SLC44A3: variants seen among roughly 807,000 people sequenced by gnomAD.
The protein encoded by SLC44A3 is choline transporter-like protein 3.
Under a neutral mutation model 75.4 loss-of-function variants are expected in SLC44A3, and 74 were observed. The ratio of observed to expected loss-of-function variants is 0.98; its 90% CI spans 0.81 to 1.19. SLC44A3 has a LOEUF of 1.19. Ranked by LOEUF, SLC44A3 falls within the 50% of genes most tolerant of loss-of-function variation. The pLI is 0.00. For missense variants in SLC44A3, 700 were observed against 778.6 expected (o/e 0.90, Z 1.20); for synonymous variants, 310 against 296.9 (o/e 1.04, Z -0.45).
intron 2 of SLC44A3, among the ~76,000 whole-genome samples, chr1:94,823,477 T>A (rs1030408766): frequency 1.3e-5 from 2 of 152,218 alleles, no homozygotes; most frequent in African/African-American, 4.8e-5. Context: ...CCGTAAGTCC[T>A]GCTTGCCTTC....
In SLC44A3 at chr1:94,853,862, A is replaced by ATTT. The variant is rs34191139; in HGVS notation, c.1073-3461_1073-3459dup. ...TAACTCAGATGGTATCCTCTCTCTG[A>ATTT]TTTTTTTTTTTTTTGCCTCATTTAT... On this transcript the variant is annotated intron_variant, in intron 9 of 14. Coordinates refer to ENST00000271227, the MANE Select transcript of SLC44A3 (RefSeq NM_001114106.3). 6.8e-3 allele frequency among the ~76,000 whole-genome samples: 996 copies of ATTT among 145,672 alleles called. 5 individuals are homozygous for ATTT. Among genetic ancestry groups the ATTT allele is most frequent in the Non-Finnish European group, 7.7e-3 (511 of 66,528 alleles).
chr1:94,851,487 A>G (rs2101165253), intron 9 of SLC44A3, among the ~76,000 whole-genome samples: 1 of 152,308 alleles, frequency 6.6e-6, no homozygotes, highest in Non-Finnish European at 1.5e-5. Flanking sequence ...ATCCCACAAG[A>G]GGAAGAACAC....
At chr1:94,878,332 C>G (rs1028009991) in intron 12 of SLC44A3, among the ~76,000 whole-genome samples, 1 of 152,110 alleles carries the variant, frequency 6.6e-6, no homozygotes, top group Non-Finnish European at 1.5e-5. Context: ...GTGCCCTGTC[C>G]CCAGTCCCCA....
chr1:94,820,397 G>C lies in SLC44A3; in HGVS notation c.-55G>C. The C allele has an allele frequency of 1.4e-6, 2 of 1,427,780 alleles. No individual in the cohort carries two copies. The highest frequency in any genetic ancestry group is 1.8e-6 in the Non-Finnish European group (2 of 1,092,720). 88.4% of individuals were successfully genotyped at this position (1,427,780 alleles called of 1,614,324 possible). On this transcript the variant is annotated 5_prime_UTR_variant, in exon 1 of 15. Transcript: ENST00000271227. ...CCCGGCTCGCGGGCGCTGCGTCTCC[G>C]CGTACAGGAGGCGGCGGCGGCTCCC...
rs145117107 is a variant in SLC44A3 at position 94,847,548 on chromosome 1, G to T, written c.1072+2084G>T. ...ATAACCAAGAAAAGAGGGGAGAATAGATATCGTGAGACAGGTGAAGTCTCA... is the reference window on the plus strand; with the variant it reads ...ATAACCAAGAAAAGAGGGGAGAATATATATCGTGAGACAGGTGAAGTCTCA... On this transcript the variant is annotated intron_variant, in intron 9 of 14. Coordinates refer to ENST00000271227, the MANE Select transcript of SLC44A3 (RefSeq NM_001114106.3). Among the ~76,000 whole-genome samples, 409 of 152,344 alleles carry T rather than the reference G, an allele frequency of 2.7e-3. 2 individuals carry two copies. The highest frequency in any genetic ancestry group is 8.3e-3 in the African/African-American group (345 of 41,574).
intron 11 of SLC44A3, among the ~76,000 whole-genome samples, chr1:94,865,485 C>G (rs912803177): frequency 1.3e-5 from 2 of 152,110 alleles, no homozygotes; most frequent in East Asian, 1.9e-4. Flanking sequence ...GCAAGCTGAC[C>G]TACATCTCAG....
chr1:94,841,217 C>T (rs1414677223), intron 7 of SLC44A3, among the ~76,000 whole-genome samples: 1 of 152,196 alleles, frequency 6.6e-6, no homozygotes, highest in Non-Finnish European at 1.5e-5. Flanking sequence ...CAGAAAAGTA[C>T]AGTATTATTA....
At chr1:94,835,980 T>C (rs1030083162) in intron 5 of SLC44A3, among the ~76,000 whole-genome samples, 1 of 152,234 alleles carries the variant, frequency 6.6e-6, no homozygotes, top group Non-Finnish European at 1.5e-5. Context: ...GTGTTACTCT[T>C]CTCTTGAACC....
intron 7 of SLC44A3, among the ~76,000 whole-genome samples, chr1:94,840,306 T>G (rs1251062298): frequency 1.4e-5 from 2 of 147,694 alleles, no homozygotes; most frequent in Non-Finnish European, 3.0e-5. Flanking sequence ...TTTTTTTTTT[T>G]TGAGGCAGGC....
At chr1:94,848,664 G>A (rs539623380) in intron 9 of SLC44A3, among the ~76,000 whole-genome samples, 46 of 152,238 alleles carry the variant, frequency 3.0e-4, no homozygotes, top group African/African-American at 7.5e-4. Flanking sequence ...GGGATGAGGC[G>A]CTGAGCACGG....
intron 8 of SLC44A3, among the ~76,000 whole-genome samples, chr1:94,842,644 G>C (rs79380410): frequency 0.02 from 3,061 of 152,354 alleles, 51 homozygotes; most frequent in Non-Finnish European, 0.033. Flanking sequence ...AGTTACTGGT[G>C]GTGGGTGGTT....
At chr1:94,830,099 G>A (rs2100968127) in intron 5 of SLC44A3, among the ~76,000 whole-genome samples, 1 of 152,322 alleles carries the variant, frequency 6.6e-6, no homozygotes, top group African/African-American at 2.4e-5. Flanking sequence ...AATCACATCG[G>A]AGGCAGAAAA....
At chr1:94,835,351 A>G (rs1307322514) in intron 5 of SLC44A3, among the ~76,000 whole-genome samples, 3 of 152,230 alleles carry the variant, frequency 2.0e-5, no homozygotes, top group African/African-American at 7.2e-5. Context: ...GCTATCCTGA[A>G]TTAGATCCTG....
At chr1:94,885,224 CAAAAA>C (rs60440950) in intron 12 of SLC44A3, among the ~76,000 whole-genome samples, 60 of 82,852 alleles carry the variant, frequency 7.2e-4, no homozygotes, top group African/African-American at 2.7e-3. Flanking sequence ...GACTCCCTCT[CAAAAA>C]AAAAAAAAAA....
At chr1:94,861,497 C>A (rs1666566983) in intron 10 of SLC44A3, among the ~76,000 whole-genome samples, 1 of 152,142 alleles carries the variant, frequency 6.6e-6, no homozygotes, top group Non-Finnish European at 1.5e-5. Flanking sequence ...TTGTAAGACA[C>A]TTTACATATT....
intron 9 of SLC44A3, among the ~76,000 whole-genome samples, chr1:94,856,723 CTCTTCT>C (rs961771036): frequency 6.6e-6 from 1 of 151,836 alleles, no homozygotes; most frequent in African/African-American, 2.4e-5. Context: ...AGTTACTTGC[CTCTTCT>C]TCTTCTTCTT....
intron 11 of SLC44A3, among the ~76,000 whole-genome samples, chr1:94,866,723 G>A (rs1456031688): frequency 6.6e-6 from 1 of 152,062 alleles, no homozygotes; most frequent in Non-Finnish European, 1.5e-5. Flanking sequence ...CTGGAGAGTG[G>A]GTAGGATGCC....
chr1:94,890,267 C>T (rs1027746312), intron 12 of SLC44A3, among the ~76,000 whole-genome samples: 4 of 152,074 alleles, frequency 2.6e-5, no homozygotes, highest in African/African-American at 9.7e-5. Context: ...CTTAAACATA[C>T]CTCTCTAAAT....
chr1:94,822,009 G>T (rs1482333657), intron 2 of SLC44A3, among the ~76,000 whole-genome samples: 2 of 152,158 alleles, frequency 1.3e-5, no homozygotes, highest in African/African-American at 4.8e-5. Flanking sequence ...TCTCCCCTAG[G>T]AGCTGGGAGA....
Sources: allele counts gnomAD v4.1 joint callset (sites outside exome capture counted in the v4.1 genomes callset), GRCh38; gene constraint gnomAD v4.1.1; transcripts MANE v1.5; gene names NCBI Gene and HGNC (gene_info 2026-07-23, HGNC 2026-07-21).